Variants in ST7 observed in about 807,000 individuals in gnomAD.
ST7 encodes suppression of tumorigenicity 7, also known as suppressor of tumorigenicity 7 protein.
A neutral mutation model predicts 78.7 loss-of-function variants in ST7; 28 were observed. The observed-to-expected ratio is 0.36, with a 90% CI of 0.26 to 0.49. The LOEUF (loss-of-function observed/expected upper bound fraction) is 0.49. Among genes scored for constraint, ST7 ranks in the 20% least tolerant of loss-of-function variants. The pLI is 0.99. For synonymous variants in ST7, 247 were observed against 249.6 expected (o/e 0.99, Z 0.10); for missense variants, 418 against 696.0 (o/e 0.60, Z 4.49).
At chr7:117,223,199 TC>T (rs1793224004) in intron 15 of ST7, 1 of 564,408 alleles carries the variant, frequency 1.8e-6, no homozygotes, top group South Asian at 2.1e-5. Flanking sequence ...CTTCTTTCCC[TC>T]CTTTTCCCAA....
chr7:117,000,694 G>T (rs1332749955), intron 1 of ST7, among the ~76,000 whole-genome samples: 2 of 152,206 alleles, frequency 1.3e-5, no homozygotes, highest in African/African-American at 2.4e-5. Flanking sequence ...ACATATGAAG[G>T]TTGCGTGGCA....
intron 1 of ST7, among the ~76,000 whole-genome samples, chr7:117,034,748 G>A (rs1291037074): frequency 2.6e-5 from 4 of 152,202 alleles, no homozygotes; most frequent in East Asian, 3.9e-4. Context: ...AGATGTCATA[G>A]CATGCTTTGC....
chr7:117,102,341 G>A (rs569162802), intron 2 of ST7, among the ~76,000 whole-genome samples: 3 of 152,296 alleles, frequency 2.0e-5, no homozygotes, highest in South Asian at 2.1e-4. Flanking sequence ...GAGGAACAAC[G>A]TAAATTGTCC....
intron 9 of ST7, among the ~76,000 whole-genome samples, chr7:117,169,536 T>C (rs1158186755): frequency 6.6e-6 from 1 of 152,166 alleles, no homozygotes; most frequent in Non-Finnish European, 1.5e-5. Context: ...ATATTTTAAC[T>C]TCCTTTGGGC....
intron 10 of ST7, among the ~76,000 whole-genome samples, chr7:117,188,811 A>G (rs1809516160): frequency 6.6e-6 from 1 of 151,954 alleles, no homozygotes; most frequent in Non-Finnish European, 1.5e-5. Flanking sequence ...CACTATTAAA[A>G]ATTGAATGTA....
At chr7:117,102,435 A>G (rs1801631574) in intron 2 of ST7, among the ~76,000 whole-genome samples, 1 of 152,174 alleles carries the variant, frequency 6.6e-6, no homozygotes, top group African/African-American at 2.4e-5. Context: ...TCTTCAATCT[A>G]GGGGATTGAG....
chr7:117,199,070 A>G (rs993682492), intron 12 of ST7: 2 of 152,006 alleles, frequency 1.3e-5, no homozygotes, highest in Non-Finnish European at 2.9e-5. Context: ...CTTCATTCCC[A>G]GGGGTACTTC....
chr7:116,998,188 C>T (rs572512533), intron 1 of ST7, among the ~76,000 whole-genome samples: 28 of 152,314 alleles, frequency 1.8e-4, no homozygotes, highest in African/African-American at 5.5e-4. Context: ...GTAGCGCTGG[C>T]GGGCCGGCAC....
intron 1 of ST7, chr7:117,071,998 A>C (rs553338686): frequency 6.6e-6 from 1 of 152,240 alleles, no homozygotes; most frequent in African/African-American, 2.4e-5. Flanking sequence ...ATACTCTTCC[A>C]CAGTCTATTT....
At chr7:117,009,705 T>A (rs1487007034) in intron 1 of ST7, among the ~76,000 whole-genome samples, 1 of 152,204 alleles carries the variant, frequency 6.6e-6, no homozygotes, top group Non-Finnish European at 1.5e-5. Context: ...TTGGCTAACC[T>A]TAAACACATA....
At chr7:117,005,221 CA>C (rs893649433) in intron 1 of ST7, among the ~76,000 whole-genome samples, 1 of 152,006 alleles carries the variant, frequency 6.6e-6, no homozygotes, top group Non-Finnish European at 1.5e-5. Context: ...ATAATATTGA[CA>C]AAAATAACTT....
In ST7 at chr7:117,070,896, G is replaced by A. The variant is rs114980343; in HGVS notation, c.152-28866G>A. 5.1e-3 allele frequency among the ~76,000 whole-genome samples: 777 copies of A among 151,760 alleles called. 4 individuals are homozygous for A. Among genetic ancestry groups the A allele is most frequent in the African/African-American group, 0.018 (737 of 41,430 alleles). On this transcript the variant is annotated intron_variant, in intron 1 of 15. Transcript: ENST00000323984. ...TGTACACTTAGAAATGATTAAGATG[G>A]TAAATTTTATGTTATGTGCATTTTT...
chr7:117,050,025 T>C (rs1797693018), intron 1 of ST7, among the ~76,000 whole-genome samples: 1 of 145,964 alleles, frequency 6.9e-6, no homozygotes, highest in Non-Finnish European at 1.5e-5. Flanking sequence ...GCTAACACGG[T>C]GAAACCCTGT....
At chr7:117,212,274 A>G (rs931403919) in intron 13 of ST7, among the ~76,000 whole-genome samples, 1 of 152,132 alleles carries the variant, frequency 6.6e-6, no homozygotes, top group African/African-American at 2.4e-5. Flanking sequence ...GGCCATCTCA[A>G]TTTTTCAAGA....
chr7:117,079,013 C>T (rs1331610180), intron 1 of ST7, among the ~76,000 whole-genome samples: 2 of 152,074 alleles, frequency 1.3e-5, no homozygotes, highest in Non-Finnish European at 2.9e-5. Context: ...GAAACAAATG[C>T]CGTCTGCCCC....
chr7:117,185,063 C>T (rs1340574347), intron 10 of ST7, among the ~76,000 whole-genome samples: 4 of 152,106 alleles, frequency 2.6e-5, no homozygotes, highest in Non-Finnish European at 4.4e-5. Context: ...ATACTTTCTC[C>T]TAGAGGATAG....
intron 1 of ST7, chr7:116,972,115 G>A: frequency 1.8e-6 from 1 of 543,718 alleles, no homozygotes; most frequent in South Asian, 1.4e-5. Context: ...CTGGCCTCAG[G>A]CAGAGTCAGG....
chr7:117,138,407 T>A, intron 8 of ST7, 28 bp from the exon 9 acceptor site: 2 of 1,457,356 alleles, frequency 1.4e-6, no homozygotes, highest in South Asian at 1.3e-5. Context: ...TTTTTTTAAA[T>A]GTTGGTGTTT....
At chr7:117,089,684 G>C (rs1293279177) in intron 1 of ST7, among the ~76,000 whole-genome samples, 1 of 150,604 alleles carries the variant, frequency 6.6e-6, no homozygotes, top group Non-Finnish European at 1.5e-5. Flanking sequence ...CGATTCTCCT[G>C]CCTCAGCCTC....
Sources: gnomAD v4.1 joint callset for allele counts (sites outside exome capture counted in the v4.1 genomes callset) on GRCh38, gnomAD v4.1.1 for gene constraint, MANE v1.5 for transcripts, NCBI Gene and HGNC (gene_info 2026-07-23, HGNC 2026-07-21) for gene names.